Variants in EBF2 observed in about 807,000 individuals in gnomAD.
The protein encoded by EBF2 is transcription factor COE2.
A neutral mutation model predicts 72.8 loss-of-function variants in EBF2; 21 were observed. That is an observed-to-expected ratio of 0.29 (90% CI 0.20 to 0.42). The LOEUF (loss-of-function observed/expected upper bound fraction) is 0.42. Ranked by LOEUF, EBF2 falls within the 10% of genes least tolerant of loss-of-function variation. The pLI is 1.00. For synonymous variants in EBF2, 299 were observed against 274.2 expected, an observed-to-expected ratio of 1.09 and a Z score of -0.89; for missense variants, 637 against 731.2, an observed-to-expected ratio of 0.87 and a Z score of 1.49.
intron 6 of EBF2, among the ~76,000 whole-genome samples, chr8:25,910,728 G>C (rs533350335): frequency 1.3e-5 from 2 of 151,972 alleles, no homozygotes; most frequent in Admixed American, 1.3e-4. Context: ...TTGCTTGTCT[G>C]GGGGGCTGAA....
intron 6 of EBF2, chr8:26,031,751 C>T (rs7834679): frequency 0.32 from 48,861 of 151,972 alleles, 8,520 homozygotes; most frequent in African/African-American, 0.45. Context: ...GTAAGGACAG[C>T]TGTGTTCTAA....
intron 6 of EBF2, among the ~76,000 whole-genome samples, chr8:25,961,512 G>A (rs960085130): frequency 3.9e-5 from 6 of 152,020 alleles, no homozygotes; most frequent in Non-Finnish European, 7.4e-5. Context: ...ACAGGCACCC[G>A]CCACCACGCC....
chr8:25,866,846 G>A (rs1395458837), intron 10 of EBF2, among the ~76,000 whole-genome samples: 6 of 151,340 alleles, frequency 4.0e-5, no homozygotes, highest in Non-Finnish European at 8.8e-5. Context: ...TGGCCACGCT[G>A]GTCACGAACT....
At chr8:26,022,236 G>C (rs535276114) in intron 6 of EBF2, among the ~76,000 whole-genome samples, 17 of 152,264 alleles carry the variant, frequency 1.1e-4, no homozygotes, top group African/African-American at 4.1e-4. Flanking sequence ...TGAGTCTTTG[G>C]CCAGCTACAC....
At chr8:26,020,627 G>C (rs566026657) in intron 6 of EBF2, among the ~76,000 whole-genome samples, 60 of 152,262 alleles carry the variant, frequency 3.9e-4, no homozygotes, top group East Asian at 1.9e-3. Context: ...GGTAAACAAA[G>C]GAAAAAGAAG....
chr8:25,879,985 G>C (rs1802581646), intron 10 of EBF2, among the ~76,000 whole-genome samples: 1 of 152,140 alleles, frequency 6.6e-6, no homozygotes, highest in South Asian at 2.1e-4. Context: ...TTGTTTACTA[G>C]TCTTCCTTCC....
intron 11 of EBF2, among the ~76,000 whole-genome samples, 171 bp from the exon 12 acceptor site, chr8:25,861,545 C>G (rs1274693859): frequency 6.6e-6 from 1 of 152,184 alleles, no homozygotes; most frequent in Admixed American, 6.5e-5. Flanking sequence ...ACATGTACAT[C>G]TCTCTGTAAA....
In EBF2 at chr8:25,850,880, T is replaced by A. The variant is rs17054478; in HGVS notation, c.1529-119A>T. The A allele has an allele frequency of 7.9e-3, 7,616 of 959,608 alleles. 286 individuals carry two copies. In the African/African-American group the frequency reaches 0.11, roughly 14 times the overall value. The allele number at this position is 959,608 out of a possible 1,614,324, so 59.4% of individuals were successfully genotyped here. A position where few individuals can be genotyped will look rare whatever the true frequency, so the allele number is the denominator to read the frequency against. ...ATGCATTGTTCCAGATTGCAGGGATTAAAAAAAAAAAGTTGAATGTGACAA... is the reference window on the plus strand; with the variant it reads ...ATGCATTGTTCCAGATTGCAGGGATAAAAAAAAAAAAGTTGAATGTGACAA... On this transcript the variant is annotated intron_variant, in intron 14 of 15. Coordinates refer to ENST00000520164, the MANE Select transcript of EBF2 (RefSeq NM_022659.4).
intron 6 of EBF2, among the ~76,000 whole-genome samples, chr8:25,930,263 A>G (rs1803458339): frequency 6.6e-6 from 1 of 152,140 alleles, no homozygotes; most frequent in Non-Finnish European, 1.5e-5. Flanking sequence ...CTGGCTGGTA[A>G]TCTTATGGTC....
intron 6 of EBF2, among the ~76,000 whole-genome samples, chr8:25,954,428 G>A (rs1803911844): frequency 6.6e-6 from 1 of 152,208 alleles, no homozygotes; most frequent in Admixed American, 6.5e-5. Flanking sequence ...ACTTCGTTGG[G>A]TGCATCTCTG....
chr8:26,016,282 C>T (rs184871264), intron 6 of EBF2, among the ~76,000 whole-genome samples: 1 of 152,284 alleles, frequency 6.6e-6, no homozygotes, highest in African/African-American at 2.4e-5. Context: ...CACTGTGCCT[C>T]ATCATATTTG....
intron 5 of EBF2, among the ~76,000 whole-genome samples, chr8:26,038,489 G>T (rs7841445): frequency 0.49 from 74,371 of 151,992 alleles, 18,812 homozygotes; most frequent in East Asian, 0.61. Context: ...TAAATGATAG[G>T]TATAATTCAT....
intron 7 of EBF2, among the ~76,000 whole-genome samples, chr8:25,903,592 G>A (rs527667109): frequency 2.0e-5 from 3 of 152,200 alleles, no homozygotes; most frequent in Admixed American, 2.0e-4. Context: ...AGCTACTCTG[G>A]AGGCTGAGGC....
intron 6 of EBF2, among the ~76,000 whole-genome samples, chr8:25,962,195 AG>A (rs1317973252): frequency 1.3e-5 from 2 of 152,192 alleles, no homozygotes; most frequent in Non-Finnish European, 2.9e-5. Context: ...AAAAGCAAAA[AG>A]GGGGTCTAAA....
At chr8:25,860,742 C>G (rs937193858) in intron 13 of EBF2, among the ~76,000 whole-genome samples, 1 of 152,102 alleles carries the variant, frequency 6.6e-6, no homozygotes, top group African/African-American at 2.4e-5. Context: ...GTCTCAAACT[C>G]CAGGGCTCAA....
chr8:25,976,193 G>A lies in EBF2; in HGVS notation c.551+56892C>T, dbSNP rs577949107. Among the ~76,000 whole-genome samples, 31 of 152,210 alleles carry A rather than the reference G, an allele frequency of 2.0e-4. No individual in the cohort carries two copies. In the South Asian group the frequency reaches 6.2e-3, roughly 31 times the overall value. ...GAAGATGAATTAAAATGTCTTCATC[G>A]CTTTTCATAGATGTGGTTGAAATTA... On this transcript the variant is annotated intron_variant, in intron 6 of 15. Coordinates refer to ENST00000520164, the MANE Select transcript of EBF2 (RefSeq NM_022659.4).
rs764592499 is a variant in EBF2 at position 25,853,618 on chromosome 8, G to A, written c.1529-2857C>T. ...GTATTTTAAAATGTGTACATCCCTTGACCCACTAATTCAATCTCTAGAAAT... is the reference window on the plus strand; with the variant it reads ...GTATTTTAAAATGTGTACATCCCTTAACCCACTAATTCAATCTCTAGAAAT... On this transcript the variant is annotated intron_variant, in intron 14 of 15. Coordinates refer to ENST00000520164, the MANE Select transcript of EBF2 (RefSeq NM_022659.4). Among the ~76,000 whole-genome samples the A allele has an allele frequency of 3.3e-5, 5 of 152,022 alleles. No homozygotes were observed. The East Asian group carries it at 5.8e-4, about 18-fold the overall frequency.
chr8:25,888,428 T>C (rs998303637), intron 8 of EBF2, among the ~76,000 whole-genome samples: 1 of 152,192 alleles, frequency 6.6e-6, no homozygotes, highest in Non-Finnish European at 1.5e-5. Flanking sequence ...AACACTTAGG[T>C]AATTGTGCAA....
chr8:26,045,012 T>A lies in EBF2; in HGVS notation c.-153A>T. 1 of 786,106 alleles carries A rather than the reference T, an allele frequency of 1.3e-6. No individual in the cohort carries two copies. The highest frequency in any genetic ancestry group is 1.9e-6 in the Non-Finnish European group (1 of 513,306). 48.7% of individuals were successfully genotyped at this position (786,106 alleles called of 1,614,324 possible). ...TTGAGTCTTAGAAAAAAAAAAAAGA[T>A]AACCCGTCCTTTGCTTCACTGGCGA... On this transcript the variant is annotated 5_prime_UTR_variant, in exon 1 of 16. Transcript: ENST00000520164.
Sources: gnomAD v4.1 joint callset for allele counts (sites outside exome capture counted in the v4.1 genomes callset) on GRCh38, gnomAD v4.1.1 for gene constraint, MANE v1.5 for transcripts, NCBI Gene and HGNC (gene_info 2026-07-23, HGNC 2026-07-21) for gene names.